WDR76: variants seen among roughly 807,000 people sequenced by gnomAD.
WDR76 encodes WD repeat domain 76, also known as WD repeat-containing protein 76.
Under a neutral mutation model 70.2 loss-of-function variants are expected in WDR76, and 52 were observed. The observed-to-expected ratio is 0.74, with a 90% CI of 0.59 to 0.93. The LOEUF (loss-of-function observed/expected upper bound fraction) is 0.93. Ranked by LOEUF, WDR76 falls within the 40% of genes least tolerant of loss-of-function variation. The probability of loss-of-function intolerance (pLI) is 0.00; values close to 1 mark genes in which losing one functional copy is unlikely to be tolerated. For synonymous variants in WDR76, 292 were observed against 271.1 expected (o/e 1.08, Z -0.76); for missense variants, 756 against 760.2 (o/e 0.99, Z 0.07).
chr15:43,862,404 G>A (rs1428784305), intron 12 of WDR76, among the ~76,000 whole-genome samples: 1 of 139,762 alleles, frequency 7.2e-6, no homozygotes, highest in Non-Finnish European at 1.5e-5. Flanking sequence ...TGCAGCCTCC[G>A]CCTCCTGGGT....
chr15:43,866,037 G>T, intron 12 of WDR76, 91 bp from the exon 13 acceptor site: 1 of 1,454,984 alleles, frequency 6.9e-7, no homozygotes, highest in Admixed American at 2.2e-5. Context: ...GAGAAAACTA[G>T]CATTTAGGAG....
At chr15:43,831,239 T>TAAAAAAAAAAAAAAAA (rs2087584543) in intron 2 of WDR76, among the ~76,000 whole-genome samples, 1 of 151,854 alleles carries the variant, frequency 6.6e-6, no homozygotes, top group Admixed American at 6.6e-5. Flanking sequence ...TTTAAAAAAG[T>TAAAAAAAAAAAAAAAA]AAAAAATAAA....
chr15:43,834,909 G>A (rs1025505643), intron 2 of WDR76, 152 bp from the exon 3 acceptor site: 1 of 674,876 alleles, frequency 1.5e-6, no homozygotes, highest in African/African-American at 1.8e-5. Context: ...ATCCAATTCA[G>A]CAAACGTCTG....
chr15:43,838,955 A>G (rs755929989), intron 4 of WDR76, among the ~76,000 whole-genome samples: 1 of 152,172 alleles, frequency 6.6e-6, no homozygotes. Flanking sequence ...GGTTTTACTA[A>G]TTCTCGAAGT....
chr15:43,863,003 T>G (rs2088022015), intron 12 of WDR76, among the ~76,000 whole-genome samples: 1 of 152,108 alleles, frequency 6.6e-6, no homozygotes, highest in Non-Finnish European at 1.5e-5. Context: ...TGGCACGATC[T>G]CGGCTCACTG....
intron 10 of WDR76, chr15:43,857,462 T>A (rs2087942423): frequency 1.0e-6 from 1 of 985,270 alleles, no homozygotes; most frequent in Admixed American, 6.2e-5. Context: ...AAAAAAAAGT[T>A]ACATGTGACC....
At chr15:43,847,653 C>T (rs966094532) in intron 8 of WDR76, among the ~76,000 whole-genome samples, 1 of 152,054 alleles carries the variant, frequency 6.6e-6, no homozygotes, top group Non-Finnish European at 1.5e-5. Flanking sequence ...GAACTCCTGA[C>T]CTTGTAATCC....
chr15:43,841,781 C>A (rs1239016173), intron 5 of WDR76, among the ~76,000 whole-genome samples: 1 of 152,184 alleles, frequency 6.6e-6, no homozygotes, highest in African/African-American at 2.4e-5. Context: ...TTAAGATAAT[C>A]TGAGTCAATT....
intron 2 of WDR76, among the ~76,000 whole-genome samples, chr15:43,831,887 G>A (rs1258145258): frequency 6.6e-6 from 1 of 151,648 alleles, no homozygotes; most frequent in Non-Finnish European, 1.5e-5. Flanking sequence ...AGGCTGGAAT[G>A]TAGTGGTGCG....
rs1168057546 is a variant in WDR76, at chr15:43,867,217, G to A, written c.*825G>A. On this transcript the variant is annotated 3_prime_UTR_variant, in exon 13 of 13. Transcript: ENST00000263795. ...CGTGAAATGCCAAGATAATTGCTGA[G>A]CAGCTTTGGTTACCCAGGGCGGGGT... The A allele has an allele frequency of 6.6e-6, 1 of 152,120 alleles. No homozygotes were observed. The highest frequency in any genetic ancestry group is 1.5e-5 in the Non-Finnish European group (1 of 68,040). 9.4% of individuals were successfully genotyped at this position (152,120 alleles called of 1,614,324 possible).
chr15:43,838,074 C>T (rs1183064982), intron 4 of WDR76, among the ~76,000 whole-genome samples: 4 of 152,162 alleles, frequency 2.6e-5, no homozygotes, highest in African/African-American at 7.2e-5. Context: ...GGGGTTTCAC[C>T]GTGTTAGCCA....
At chr15:43,832,739 C>CTTTTTT (rs1567182112) in intron 2 of WDR76, among the ~76,000 whole-genome samples, 2 of 62,264 alleles carry the variant, frequency 3.2e-5, no homozygotes, top group African/African-American at 4.3e-5. Context: ...ACCCGGCTTG[C>CTTTTTT]TTTGTTTTTT....
intron 7 of WDR76, among the ~76,000 whole-genome samples, chr15:43,843,677 G>A (rs1405481640): frequency 6.6e-6 from 1 of 152,098 alleles, no homozygotes; most frequent in Non-Finnish European, 1.5e-5. Flanking sequence ...GTGTGAGTAT[G>A]TGTATTTAAC....
chr15:43,845,184 C>T (rs975738574), intron 8 of WDR76, among the ~76,000 whole-genome samples: 3 of 149,020 alleles, frequency 2.0e-5, no homozygotes, highest in African/African-American at 4.9e-5. Flanking sequence ...CTCCTGACCT[C>T]GTGATCTGCC....
rs112490389 is a variant in WDR76 at position 43,851,593 on chromosome 15, C to A, written c.1191+348C>A. On this transcript the variant is annotated intron_variant, in intron 9 of 12. Transcript: ENST00000263795. ...TGTTAAATTTCTTTTTTTTTTCTCTCCCAAAGCTTTTAACTAAAATAACTT... is the reference window on the plus strand; with the variant it reads ...TGTTAAATTTCTTTTTTTTTTCTCTACCAAAGCTTTTAACTAAAATAACTT... Among the ~76,000 whole-genome samples, 11 of 151,998 alleles carry A rather than the reference C, an allele frequency of 7.2e-5. No homozygotes were observed. The South Asian group carries it at 2.3e-3, about 32-fold the overall frequency.
intron 5 of WDR76, among the ~76,000 whole-genome samples, chr15:43,841,207 T>G (rs976457106): frequency 1.7e-4 from 25 of 147,164 alleles, no homozygotes; most frequent in East Asian, 7.9e-4. Flanking sequence ...TTTTGTTTTT[T>G]TTTTTTTTTT....
Position 43,862,571 on chromosome 15 carries a change from C to T in WDR76, c.1616+1185C>T, listed in dbSNP as rs12901112. ...TTGTCCAGGCTGGAGTGCAGGCTCGCGATCTCGGCTCACTACAAGCTCCAC... is the reference window on the plus strand; with the variant it reads ...TTGTCCAGGCTGGAGTGCAGGCTCGTGATCTCGGCTCACTACAAGCTCCAC... On this transcript the variant is annotated intron_variant, in intron 12 of 12. Coordinates refer to ENST00000263795, the MANE Select transcript of WDR76 (RefSeq NM_024908.4). Among the ~76,000 whole-genome samples, 95 of 150,236 alleles carry T rather than the reference C, an allele frequency of 6.3e-4. 2 individuals carry two copies. The East Asian group carries it at 0.018, about 28-fold the overall frequency.
At chr15:43,833,519 C>T (rs2087617244) in intron 2 of WDR76, among the ~76,000 whole-genome samples, 1 of 151,736 alleles carries the variant, frequency 6.6e-6, no homozygotes, top group African/African-American at 2.4e-5. Flanking sequence ...TGGGCTTTCA[C>T]TGTGTTAGCT....
rs1448657825 is a variant in WDR76 at position 43,827,381 on chromosome 15, G to C, written c.60+289G>C. Among the ~76,000 whole-genome samples, 3 of 152,170 alleles carry C rather than the reference G, an allele frequency of 2.0e-5. No individual in the cohort carries two copies. The South Asian group carries it at 6.2e-4, about 32-fold the overall frequency. ...CCAGACAATCCGCAGCTGACAGTTG[G>C]GGTATTTGCCCCAGTCACAAATGCT... On this transcript the variant is annotated intron_variant, in intron 1 of 12. Coordinates refer to ENST00000263795, the MANE Select transcript of WDR76 (RefSeq NM_024908.4).
Sources: gnomAD v4.1 joint callset for allele counts (sites outside exome capture counted in the v4.1 genomes callset) on GRCh38, gnomAD v4.1.1 for gene constraint, MANE v1.5 for transcripts, NCBI Gene and HGNC (gene_info 2026-07-23, HGNC 2026-07-21) for gene names.